RBFOX1: variants seen among roughly 807,000 people sequenced by gnomAD.
The protein encoded by RBFOX1 is RNA binding protein fox-1 homolog 1.
RBFOX1 carries 8 observed loss-of-function variants against 57.7 expected under a neutral mutation model. The observed-to-expected ratio is 0.14, with a 90% CI of 0.08 to 0.25. The LOEUF is 0.25. Among genes scored for constraint, RBFOX1 ranks in the 10% least tolerant of loss-of-function variants. The pLI, the probability that RBFOX1 is intolerant of heterozygous loss-of-function variation, is 1.00. For synonymous variants in RBFOX1, 326 were observed against 222.4 expected, an observed-to-expected ratio of 1.47 and a Z score of -4.15; for missense variants, 611 against 548.5, an observed-to-expected ratio of 1.11 and a Z score of -1.14.
chr16:6,062,606 T>TAA (rs2095702179), intron 1 of RBFOX1, among the ~76,000 whole-genome samples: 1 of 31,740 alleles, frequency 3.2e-5, no homozygotes, highest in African/African-American at 1.2e-4. Context: ...GTATATATGT[T>TAA]ACATAATATA....
At chr16:5,478,220 C>G (rs577505740) in intron 2 of RBFOX1, among the ~76,000 whole-genome samples, 108 of 152,240 alleles carry the variant, frequency 7.1e-4, no homozygotes, top group Non-Finnish European at 1.1e-3. Context: ...TTAGGTTAGA[C>G]TAGCGAAGGG....
At chr16:6,362,549 C>T (rs1328540727) in intron 2 of RBFOX1, among the ~76,000 whole-genome samples, 1 of 152,290 alleles carries the variant, frequency 6.6e-6, no homozygotes, top group Middle Eastern at 3.4e-3. Context: ...TTAAGTTTAC[C>T]TGATGCTCTC....
chr16:6,885,291 T>C (rs938057566), intron 3 of RBFOX1, among the ~76,000 whole-genome samples: 3 of 152,220 alleles, frequency 2.0e-5, no homozygotes, highest in African/African-American at 7.2e-5. Flanking sequence ...ACGCGTGTTC[T>C]CTATCCTCGC....
At chr16:5,264,533 G>A (rs1395596996) in intron 1 of RBFOX1, among the ~76,000 whole-genome samples, 1 of 152,172 alleles carries the variant, frequency 6.6e-6, no homozygotes, top group Non-Finnish European at 1.5e-5. Flanking sequence ...GTCCTTTTTG[G>A]CGGATTGTTC....
intron 4 of RBFOX1, among the ~76,000 whole-genome samples, chr16:5,974,939 C>T (rs1456712319): frequency 5.9e-5 from 9 of 152,164 alleles, no homozygotes; most frequent in Admixed American, 6.5e-5. Flanking sequence ...ACCTAGGAGA[C>T]GGAGGTTGCG....
chr16:6,999,213 T>A (rs1197353056), intron 3 of RBFOX1, among the ~76,000 whole-genome samples: 1 of 71,434 alleles, frequency 1.4e-5, no homozygotes, highest in African/African-American at 5.1e-5. Flanking sequence ...TTTATTTTTA[T>A]TTATTTTTTT....
At chr16:6,835,933 A>T (rs2093064051) in intron 3 of RBFOX1, among the ~76,000 whole-genome samples, 1 of 152,054 alleles carries the variant, frequency 6.6e-6, no homozygotes, top group Admixed American at 6.6e-5. Flanking sequence ...GCCTAAAATG[A>T]TAAAGAGCAG....
chr16:5,357,056 A>T (rs2065409112), intron 1 of RBFOX1, among the ~76,000 whole-genome samples: 1 of 152,234 alleles, frequency 6.6e-6, no homozygotes, highest in South Asian at 2.1e-4. Flanking sequence ...GTGATGACAC[A>T]GTTCGACAGC....
Position 6,373,380 on chromosome 16 carries a change from T to G in RBFOX1, c.-64+56323T>G, listed in dbSNP as rs114541065. Among the ~76,000 whole-genome samples, 1,345 of 144,176 alleles carry G rather than the reference T, an allele frequency of 9.3e-3. 25 individuals carry two copies. Among genetic ancestry groups the G allele is most frequent in the African/African-American group, 0.031 (1,201 of 38,626 alleles). The allele number at this position is 144,176 out of a possible 152,430, so 94.6% of individuals were successfully genotyped here. A position where few individuals can be genotyped will look rare whatever the true frequency, so the allele number is the denominator to read the frequency against. ...GTATAGTTGGATGGAAGGATAGTTT[T>G]TTAGGATCACTGGGTAGGAGCATTG... On this transcript the variant is annotated intron_variant, in intron 2 of 15. Coordinates refer to ENST00000550418, the MANE Select transcript of RBFOX1 (RefSeq NM_018723.4).
chr16:6,189,497 G>A (rs2152806736), intron 1 of RBFOX1, among the ~76,000 whole-genome samples: 1 of 151,812 alleles, frequency 6.6e-6, no homozygotes, highest in East Asian at 2.0e-4. Flanking sequence ...AGGGTTAAAT[G>A]CATTGGTTAG....
At chr16:5,627,471 G>C (rs746330009) in intron 3 of RBFOX1, among the ~76,000 whole-genome samples, 1 of 152,086 alleles carries the variant, frequency 6.6e-6, no homozygotes, top group South Asian at 2.1e-4. Context: ...GTAAAGGATA[G>C]AAAATGCTAT....
intron 3 of RBFOX1, among the ~76,000 whole-genome samples, chr16:6,813,047 C>T (rs932418514): frequency 4.6e-5 from 7 of 151,778 alleles, no homozygotes; most frequent in Admixed American, 6.6e-5. Context: ...GTCATGGCAA[C>T]CAGTCAAACA....
chr16:5,527,613 C>T (rs993133895), intron 2 of RBFOX1, among the ~76,000 whole-genome samples: 13 of 152,094 alleles, frequency 8.5e-5, no homozygotes, highest in African/African-American at 3.1e-4. Flanking sequence ...TACATTATTA[C>T]CCTTCTTCCT....
At chr16:7,494,806 T>C (rs1265592503) in intron 4 of RBFOX1, among the ~76,000 whole-genome samples, 1 of 148,350 alleles carries the variant, frequency 6.7e-6, no homozygotes, top group Admixed American at 6.8e-5. Context: ...TTGAGCTCCT[T>C]AATATCAGGA....
chr16:6,023,789 G>A (rs947271331), intron 1 of RBFOX1, among the ~76,000 whole-genome samples: 12 of 152,140 alleles, frequency 7.9e-5, no homozygotes, highest in East Asian at 1.9e-4. Flanking sequence ...CCACAGTGTC[G>A]TGCCGGAGAC....
intron 3 of RBFOX1, among the ~76,000 whole-genome samples, chr16:6,783,498 G>C (rs2081384738): frequency 1.3e-5 from 2 of 149,580 alleles, no homozygotes; most frequent in Non-Finnish European, 1.5e-5. Context: ...GCTTAACTCT[G>C]GTCACAAAGA....
intron 4 of RBFOX1, among the ~76,000 whole-genome samples, chr16:7,198,994 G>A (rs945318789): frequency 6.6e-6 from 1 of 152,176 alleles, no homozygotes; most frequent in Non-Finnish European, 1.5e-5. Context: ...ATCTGGGAAA[G>A]TAGAAAAGGA....
intron 3 of RBFOX1, among the ~76,000 whole-genome samples, chr16:5,619,874 G>C (rs1786540307): frequency 6.6e-6 from 1 of 151,976 alleles, no homozygotes; most frequent in South Asian, 2.1e-4. Flanking sequence ...CCTTCTCCTG[G>C]TGGCCTAAGA....
At chr16:6,697,828 T>C (rs986745876) in intron 3 of RBFOX1, among the ~76,000 whole-genome samples, 2 of 152,182 alleles carry the variant, frequency 1.3e-5, no homozygotes, top group African/African-American at 4.8e-5. Flanking sequence ...ATGGCCCACC[T>C]TTAGCCTTCT....
Sources: allele counts gnomAD v4.1 joint callset (sites outside exome capture counted in the v4.1 genomes callset), GRCh38; gene constraint gnomAD v4.1.1; transcripts MANE v1.5; gene names NCBI Gene and HGNC (gene_info 2026-07-23, HGNC 2026-07-21).